Variants in SLC24A3 observed in about 807,000 individuals in gnomAD.
The protein encoded by SLC24A3 is solute carrier family 24 member 3.
Under a neutral mutation model 75.8 loss-of-function variants are expected in SLC24A3, and 28 were observed. The observed-to-expected ratio is 0.37, with a 90% CI of 0.27 to 0.51. The LOEUF is 0.51. Among genes scored for constraint, SLC24A3 ranks in the 20% least tolerant of loss-of-function variants. SLC24A3 has a pLI of 0.94. For synonymous variants in SLC24A3, 372 were observed against 334.1 expected (o/e 1.11, Z -1.24); for missense variants, 663 against 847.8 (o/e 0.78, Z 2.71).
chr20:19,665,817 GTGTGTGTGTGTGTGTC>G, intron 7 of SLC24A3, 31 bp from the exon 8 acceptor site: 1 of 1,529,222 alleles, frequency 6.5e-7, no homozygotes, highest in Non-Finnish European at 8.8e-7. Context: ...GTGTGTGTGT[GTGTGTGTGTGTGTGTC>G]TAATCTTCTA....
chr20:19,372,189 G>T (rs1223005976), intron 2 of SLC24A3, among the ~76,000 whole-genome samples: 1 of 152,174 alleles, frequency 6.6e-6, no homozygotes, highest in Admixed American at 6.5e-5. Flanking sequence ...AGATGGAGTT[G>T]CTTTAGCTTC....
At chr20:19,464,215 T>C (rs558628242) in intron 2 of SLC24A3, among the ~76,000 whole-genome samples, 4 of 152,334 alleles carry the variant, frequency 2.6e-5, no homozygotes, top group African/African-American at 9.6e-5. Context: ...TGGACCAGTG[T>C]CTGGCTCAGC....
intron 6 of SLC24A3, among the ~76,000 whole-genome samples, chr20:19,606,221 C>T (rs965630743): frequency 6.6e-6 from 1 of 152,200 alleles, no homozygotes; most frequent in African/African-American, 2.4e-5. Context: ...TGTGAACATA[C>T]CACTCGCCAG....
At chr20:19,239,303 G>A (rs1344405331) in intron 1 of SLC24A3, among the ~76,000 whole-genome samples, 1 of 152,116 alleles carries the variant, frequency 6.6e-6, no homozygotes, top group Non-Finnish European at 1.5e-5. Context: ...AAAAGCAACA[G>A]GTGATGCGTT....
chr20:19,412,995 T>G (rs2122423491), intron 2 of SLC24A3, among the ~76,000 whole-genome samples: 1 of 152,296 alleles, frequency 6.6e-6, no homozygotes, highest in South Asian at 2.1e-4. Context: ...AACTGGTGGT[T>G]GCTATCATAA....
At chr20:19,576,559 C>G (rs2031137924) in intron 3 of SLC24A3, among the ~76,000 whole-genome samples, 1 of 152,106 alleles carries the variant, frequency 6.6e-6, no homozygotes, top group Non-Finnish European at 1.5e-5. Flanking sequence ...GGTGCTATGT[C>G]AAAGGGTATC....
At chr20:19,504,296 A>T (rs911358136) in intron 2 of SLC24A3, among the ~76,000 whole-genome samples, 4 of 152,232 alleles carry the variant, frequency 2.6e-5, no homozygotes, top group Admixed American at 6.5e-5. Context: ...ATAGACCAAT[A>T]GAACCATAAA....
At chr20:19,377,655 TC>T (rs1191776142) in intron 2 of SLC24A3, among the ~76,000 whole-genome samples, 1 of 152,234 alleles carries the variant, frequency 6.6e-6, no homozygotes, top group Non-Finnish European at 1.5e-5. Context: ...ATGGAAATTA[TC>T]CCTCAATGAA....
intron 2 of SLC24A3, among the ~76,000 whole-genome samples, chr20:19,302,099 A>G (rs73284652): frequency 0.021 from 3,192 of 152,302 alleles, 46 homozygotes; most frequent in African/African-American, 0.034. Context: ...TAGGACATAC[A>G]GGAGTTAAAT....
At chr20:19,377,134 C>A (rs1986097234) in intron 2 of SLC24A3, among the ~76,000 whole-genome samples, 1 of 152,156 alleles carries the variant, frequency 6.6e-6, no homozygotes. Flanking sequence ...ATTTTCCACT[C>A]AGCCAAGTTG....
intron 2 of SLC24A3, chr20:19,284,507 C>T (rs1315337141): frequency 6.6e-6 from 1 of 152,658 alleles, no homozygotes; most frequent in African/African-American, 2.4e-5. Context: ...CAGCAGTACA[C>T]TTAACAGAGC....
intron 2 of SLC24A3, among the ~76,000 whole-genome samples, chr20:19,313,981 G>A (rs1384122608): frequency 1.3e-5 from 2 of 152,166 alleles, no homozygotes; most frequent in Non-Finnish European, 2.9e-5. Context: ...TAGAACTTCA[G>A]GTCTTGAGGT....
intron 2 of SLC24A3, among the ~76,000 whole-genome samples, chr20:19,383,644 C>A (rs1223337874): frequency 6.6e-6 from 1 of 152,078 alleles, no homozygotes; most frequent in East Asian, 1.9e-4. Context: ...TTGTCTTGGT[C>A]AGTTGGGGCT....
At chr20:19,687,481 C>G (rs2032691104) in intron 12 of SLC24A3, among the ~76,000 whole-genome samples, 1 of 152,236 alleles carries the variant, frequency 6.6e-6, no homozygotes, top group African/African-American at 2.4e-5. Flanking sequence ...GGACCTGTGT[C>G]TAGAATTCCA....
chr20:19,663,080 T>G (rs769977108), intron 7 of SLC24A3, among the ~76,000 whole-genome samples: 10 of 152,078 alleles, frequency 6.6e-5, no homozygotes, highest in Admixed American at 3.3e-4. Context: ...TGTTTAGAGT[T>G]TTTTTAGAGA....
intron 2 of SLC24A3, among the ~76,000 whole-genome samples, chr20:19,428,570 T>A (rs1462713332): frequency 6.6e-6 from 1 of 152,236 alleles, no homozygotes; most frequent in African/African-American, 2.4e-5. Flanking sequence ...CCAGAGCCAC[T>A]GAGCAAAGTA....
At chr20:19,314,798 C>A (rs565945116) in intron 2 of SLC24A3, among the ~76,000 whole-genome samples, 1 of 152,246 alleles carries the variant, frequency 6.6e-6, no homozygotes, top group African/African-American at 2.4e-5. Flanking sequence ...TGTCATAACA[C>A]ACCTTAGTGG....
chr20:19,216,433 A>G (rs977973664), intron 1 of SLC24A3, among the ~76,000 whole-genome samples: 3 of 151,936 alleles, frequency 2.0e-5, no homozygotes, highest in Admixed American at 6.6e-5. Context: ...ACATAGTAAG[A>G]CCCCATCTCT....
At chr20:19,309,864 G>A (rs1984414322) in intron 2 of SLC24A3, among the ~76,000 whole-genome samples, 1 of 152,248 alleles carries the variant, frequency 6.6e-6, no homozygotes, top group Non-Finnish European at 1.5e-5. Context: ...CCCTGGGAGA[G>A]CTGGGCTTCC....
Sources: allele counts gnomAD v4.1 joint callset (sites outside exome capture counted in the v4.1 genomes callset), GRCh38; gene constraint gnomAD v4.1.1; transcripts MANE v1.5; gene names NCBI Gene and HGNC (gene_info 2026-07-23, HGNC 2026-07-21).